SESTD1: variants seen among roughly 807,000 people sequenced by gnomAD.
SESTD1 encodes SEC14 domain and spectrin repeat-containing protein 1.
SESTD1 carries 43 observed loss-of-function variants against 101.7 expected under a neutral mutation model. The ratio of observed to expected loss-of-function variants is 0.42; its 90% confidence interval spans 0.33 to 0.55. The LOEUF (loss-of-function observed/expected upper bound fraction) is 0.55, where lower values mean the gene tolerates loss of function less well. Ranked by LOEUF, SESTD1 falls within the 20% of genes least tolerant of loss-of-function variation. The pLI is 0.07. For synonymous variants in SESTD1, 283 were observed against 286.8 expected (o/e 0.99, Z 0.13); for missense variants, 647 against 815.1 (o/e 0.79, Z 2.51).
At chr2:179,122,617 C>T (rs1362351074) in intron 12 of SESTD1, among the ~76,000 whole-genome samples, 2 of 152,138 alleles carry the variant, frequency 1.3e-5, no homozygotes, top group Admixed American at 6.5e-5. Context: ...TGGCCAGGTG[C>T]GCTGGCTCAT....
Position 179,107,408 on chromosome 2 carries a change from T to C in SESTD1, c.*2491A>G, listed in dbSNP as rs776359301. 11 of 152,166 alleles carry C rather than the reference T, an allele frequency of 7.2e-5. No individual in the cohort carries two copies. Among genetic ancestry groups the C allele is most frequent in the Admixed American group, 1.3e-4 (2 of 15,280 alleles). The allele number at this position is 152,166 out of a possible 1,614,324, so 9.4% of individuals were successfully genotyped here. The stretch of plus-strand genomic sequence containing the variant: ...TTTTTGTAGGCAAGATAGCTTAAGG[T>C]ATATAAAAATTAACTCATTTGGCAA... On this transcript the variant is annotated 3_prime_UTR_variant, in exon 18 of 18. Transcript: ENST00000428443.
chr2:179,185,793 TATATA>T (rs2046217569), intron 2 of SESTD1, among the ~76,000 whole-genome samples: 1 of 129,564 alleles, frequency 7.7e-6, no homozygotes, highest in Admixed American at 8.5e-5. Flanking sequence ...TAGTATACAA[TATATA>T]ATATAGCATA....
intron 13 of SESTD1, among the ~76,000 whole-genome samples, chr2:179,121,470 G>T (rs1390222047): frequency 6.6e-6 from 1 of 152,050 alleles, no homozygotes; most frequent in Non-Finnish European, 1.5e-5. Flanking sequence ...TTATTCTTCA[G>T]TAAGTTTTTT....
chr2:179,249,890 CAAA>C (rs60865157), intron 1 of SESTD1, among the ~76,000 whole-genome samples: 12 of 111,376 alleles, frequency 1.1e-4, no homozygotes, highest in Non-Finnish European at 1.2e-4. Context: ...TATCCACAGG[CAAA>C]AAAAAAAAAA....
At chr2:179,139,664 C>T (rs1342674385) in intron 9 of SESTD1, among the ~76,000 whole-genome samples, 1 of 152,082 alleles carries the variant, frequency 6.6e-6, no homozygotes, top group Non-Finnish European at 1.5e-5. Context: ...ACTACTGTGC[C>T]AGTTGGTTTG....
At chr2:179,262,842 A>C (rs540209674) in intron 1 of SESTD1, among the ~76,000 whole-genome samples, 1 of 152,224 alleles carries the variant, frequency 6.6e-6, no homozygotes, top group African/African-American at 2.4e-5. Flanking sequence ...AATGCCTAGC[A>C]ATGAATTAAA....
intron 1 of SESTD1, among the ~76,000 whole-genome samples, chr2:179,221,709 C>A (rs760574850): frequency 4.0e-5 from 6 of 150,552 alleles, no homozygotes; most frequent in Non-Finnish European, 5.9e-5. Context: ...TATGAGCCTA[C>A]GAGTTTGAGA....
chr2:179,117,679 C>G, intron 13 of SESTD1, 66 bp from the exon 14 acceptor site: 1 of 1,254,690 alleles, frequency 8.0e-7, no homozygotes, highest in Non-Finnish European at 1.1e-6. Context: ...GTAACATCAT[C>G]ATTTGGTACA....
intron 1 of SESTD1, among the ~76,000 whole-genome samples, chr2:179,237,535 C>T (rs148303696): frequency 6.6e-6 from 1 of 152,224 alleles, no homozygotes; most frequent in African/African-American, 2.4e-5. Flanking sequence ...GTGTCCCTTC[C>T]CTACAAGTCC....
intron 1 of SESTD1, among the ~76,000 whole-genome samples, chr2:179,235,143 G>GAGT (rs2047048257): frequency 6.6e-6 from 1 of 152,092 alleles, no homozygotes; most frequent in Non-Finnish European, 1.5e-5. Context: ...AAAGTCTATA[G>GAGT]AGTACTGCAT....
rs948721916 is a variant in SESTD1 at position 179,103,459 on chromosome 2, C to A, written c.*6440G>T. 2 of 152,044 alleles carry A rather than the reference C, an allele frequency of 1.3e-5. No homozygotes were observed. The highest frequency in any genetic ancestry group is 4.8e-5 in the African/African-American group (2 of 41,406). 9.4% of individuals were successfully genotyped at this position (152,044 alleles called of 1,614,324 possible). A position where few individuals can be genotyped will look rare whatever the true frequency, so the allele number is the denominator to read the frequency against. ...GGAATTTACTGCAAAGAAATGAAAA[C>A]CTATGTTCACAAAGACTTACGTAAG... On this transcript the variant is annotated 3_prime_UTR_variant, in exon 18 of 18. Transcript: ENST00000428443.
intron 14 of SESTD1, 71 bp downstream of exon 14, chr2:179,117,461 T>TTTGTTTGTA: frequency 7.4e-7 from 1 of 1,355,394 alleles, no homozygotes; most frequent in Non-Finnish European, 1.0e-6. Context: ...AAAGTACACT[T>TTTGTTTGTA]TTGTTTGTAG....
intron 3 of SESTD1, among the ~76,000 whole-genome samples, chr2:179,178,467 T>A (rs887357340): frequency 6.6e-6 from 1 of 151,812 alleles, no homozygotes; most frequent in Admixed American, 6.6e-5. Flanking sequence ...CCATCTCTAT[T>A]TAAAAAAAAA....
rs987184252 is a variant in SESTD1, at chr2:179,109,401, G to C, written c.*498C>G. The C allele has an allele frequency of 3.7e-6, 1 of 270,802 alleles. No individual in the cohort carries two copies. Among genetic ancestry groups the C allele is most frequent in the African/African-American group, 2.2e-5 (1 of 45,904 alleles). The allele number at this position is 270,802 out of a possible 1,614,324, so 16.8% of individuals were successfully genotyped here. A position where few individuals can be genotyped will look rare whatever the true frequency, so the allele number is the denominator to read the frequency against. On this transcript the variant is annotated 3_prime_UTR_variant, in exon 18 of 18. Coordinates refer to ENST00000428443, the MANE Select transcript of SESTD1 (RefSeq NM_178123.5). The stretch of plus-strand genomic sequence containing the variant: ...CTTTTAATGACTATGATATATCAAA[G>C]ATCTGAAAGGCTTTCTCTGTATTGA...
At chr2:179,234,972 T>C (rs977609162) in intron 1 of SESTD1, among the ~76,000 whole-genome samples, 3 of 150,052 alleles carry the variant, frequency 2.0e-5, no homozygotes, top group African/African-American at 7.3e-5. Flanking sequence ...AGTCATATTA[T>C]GAAACACAAA....
At position 179,207,775 on chromosome 2, in the gene SESTD1, T is replaced by C. The variant is rs1027439996; in HGVS notation, c.-25-15909A>G. On this transcript the variant is annotated intron_variant, in intron 1 of 17. Transcript: ENST00000428443. ...CTGAAACAGTCTAACAAAATGAGAA[T>C]GAACCAGAAAAGTAATTCTGGTAAC... Among the ~76,000 whole-genome samples the C allele has an allele frequency of 2.2e-5, 3 of 134,244 alleles. 1 individual carries two copies. The highest frequency in any genetic ancestry group is 8.9e-5 in the African/African-American group (3 of 33,776). The allele number at this position is 134,244 out of a possible 152,430, so 88.1% of individuals were successfully genotyped here. A position where few individuals can be genotyped will look rare whatever the true frequency, so the allele number is the denominator to read the frequency against.
At chr2:179,118,618 T>A (rs547836935) in intron 13 of SESTD1, among the ~76,000 whole-genome samples, 42 of 152,188 alleles carry the variant, frequency 2.8e-4, no homozygotes, top group Non-Finnish European at 3.5e-4. Flanking sequence ...TTCAACTTGG[T>A]TAAAGTAATT....
chr2:179,162,719 G>A (rs1339200086), intron 5 of SESTD1, among the ~76,000 whole-genome samples: 1 of 151,828 alleles, frequency 6.6e-6, no homozygotes, highest in Non-Finnish European at 1.5e-5. Context: ...TGGGCACGGT[G>A]GCTCATGTCT....
rs747810751 is a variant in SESTD1, at chr2:179,117,524, C to T, written c.1524+8G>A. The T allele has an allele frequency of 7.7e-6, 12 of 1,566,516 alleles. No homozygotes were observed. Among genetic ancestry groups the T allele is most frequent in the Admixed American group, 4.1e-5 (2 of 48,474 alleles). On this transcript the variant is annotated splice_region_variant and intron_variant, in intron 14 of 17. Coordinates refer to ENST00000428443, the MANE Select transcript of SESTD1 (RefSeq NM_178123.5). ...GTTAACTACATAATGTAGCTGACTG[C>T]TCCTTACCTGGGCAGCATCTTCTTC...
Sources: gnomAD v4.1 joint callset for allele counts (sites outside exome capture counted in the v4.1 genomes callset) on GRCh38, gnomAD v4.1.1 for gene constraint, MANE v1.5 for transcripts, NCBI Gene and HGNC (gene_info 2026-07-23, HGNC 2026-07-21) for gene names.